Variants in NEK10 observed in about 807,000 individuals in gnomAD.
NEK10 encodes the protein NIMA related kinase 10.
NEK10 carries 122 observed loss-of-function variants against 159.8 expected under a neutral mutation model. The ratio of observed to expected loss-of-function variants is 0.76; its 90% CI spans 0.66 to 0.89. The LOEUF (loss-of-function observed/expected upper bound fraction) is 0.89. NEK10 is among the 40% of genes least tolerant of loss of function. The probability of loss-of-function intolerance (pLI) is 0.00; values close to 1 mark genes in which losing one functional copy is unlikely to be tolerated. For synonymous variants in NEK10, 466 were observed against 457.1 expected (o/e 1.02, Z -0.25); for missense variants, 1,342 against 1,323.1 (o/e 1.01, Z -0.22).
intron 24 of NEK10, among the ~76,000 whole-genome samples, chr3:27,201,923 C>T (rs1398828180): frequency 2.0e-5 from 3 of 151,978 alleles, no homozygotes; most frequent in Middle Eastern, 3.2e-3. Flanking sequence ...GTTTGGGAGG[C>T]CAAGGTGGGT....
intron 23 of NEK10, among the ~76,000 whole-genome samples, chr3:27,225,160 C>G (rs1425599900): frequency 1.3e-5 from 2 of 152,164 alleles, no homozygotes; most frequent in African/African-American, 2.4e-5. Context: ...CAGGAAGCAT[C>G]CAGCATGGGA....
chr3:27,234,098 A>T (rs970313790), intron 23 of NEK10, among the ~76,000 whole-genome samples: 7 of 152,114 alleles, frequency 4.6e-5, no homozygotes, highest in Non-Finnish European at 1.0e-4. Context: ...CTCTCAATAA[A>T]CTGGTATTGA....
At chr3:27,118,323 TG>T (rs1940790054) in intron 33 of NEK10, among the ~76,000 whole-genome samples, 1 of 152,208 alleles carries the variant, frequency 6.6e-6, no homozygotes, top group South Asian at 2.1e-4. Flanking sequence ...GATCAGAATT[TG>T]GTATACCAGC....
intron 30 of NEK10, among the ~76,000 whole-genome samples, chr3:27,148,077 A>G (rs1944480817): frequency 6.6e-6 from 1 of 152,234 alleles, no homozygotes; most frequent in East Asian, 1.9e-4. Flanking sequence ...AACATCCCAA[A>G]TAAATTATTG....
At chr3:27,258,579 T>C (rs901526913) in intron 22 of NEK10, among the ~76,000 whole-genome samples, 2 of 152,216 alleles carry the variant, frequency 1.3e-5, no homozygotes, top group South Asian at 4.1e-4. Flanking sequence ...TAGTATTCCA[T>C]GGTGTATATG....
Position 27,290,669 on chromosome 3 carries a change from C to A in NEK10, c.1691G>T (p.Arg564Leu), listed in dbSNP as rs1333620708. ...NPAFGKDKKD[R>L]DSSVRNIVSE... ...AACAATATTCCTTACGCTGCTGTCT[C>A]GATCTTTCTTATCCTTTCCAAATGC... Residue 564 changes from arginine to leucine, a missense_variant, in exon 19 of 36, where the codon CGA becomes CTA. Coordinates refer to ENST00000691995, the MANE Select transcript of NEK10 (RefSeq NM_001394966.1). 6.2e-7 allele frequency: 1 copy of A among 1,608,304 alleles called. No homozygotes were observed. The highest frequency in any genetic ancestry group is 8.5e-7 in the Non-Finnish European group (1 of 1,175,748).
intron 5 of NEK10, among the ~76,000 whole-genome samples, chr3:27,324,818 CAT>C (rs2045896862): frequency 6.6e-6 from 1 of 152,196 alleles, no homozygotes; most frequent in South Asian, 2.1e-4. Context: ...TACCATGACT[CAT>C]AGGCCCTCCA....
chr3:27,216,717 C>T (rs1297323186), intron 23 of NEK10, among the ~76,000 whole-genome samples: 1 of 152,212 alleles, frequency 6.6e-6, no homozygotes, highest in Non-Finnish European at 1.5e-5. Context: ...CAATATCCTC[C>T]TTAAAAGAGA....
chr3:27,352,474 G>C lies in NEK10; in HGVS notation c.123C>G (p.Ser41Arg). The C allele has an allele frequency of 6.2e-7, 1 of 1,608,944 alleles. No individual in the cohort carries two copies. The highest frequency in any genetic ancestry group is 8.5e-7 in the Non-Finnish European group (1 of 1,175,474). The change falls in exon 3 of 36, where the codon AGC becomes AGG. Residue 41 changes from serine (S) to arginine (R), a missense_variant. Coordinates refer to ENST00000691995, the MANE Select transcript of NEK10 (RefSeq NM_001394966.1). ...RLRCLLNVQS[S>R]KQQLPAINFD... ...TCTTTGAAAACGCTACCTGTTGTTT[G>C]CTTGATTGGACGTTCAAAAGGCACC...
chr3:27,160,093 C>T (rs1177767243), intron 30 of NEK10, among the ~76,000 whole-genome samples: 1 of 151,964 alleles, frequency 6.6e-6, no homozygotes, highest in Non-Finnish European at 1.5e-5. Context: ...AATGAAAATA[C>T]ACTAATATAA....
At chr3:27,202,581 T>C in intron 23 of NEK10, 24 bp from the exon 24 acceptor site, 1 of 1,573,992 alleles carries the variant, frequency 6.4e-7, no homozygotes, top group Non-Finnish European at 8.7e-7. Context: ...AGGACATTAA[T>C]ACATGCTAAG....
chr3:27,345,943 A>G, intron 4 of NEK10, 143 bp downstream of exon 4: 1 of 729,380 alleles, frequency 1.4e-6, no homozygotes, highest in Non-Finnish European at 2.2e-6. Context: ...TGGTTTAAGC[A>G]CTAACTGAAA....
At position 27,256,403 on chromosome 3, in the gene NEK10, T is replaced by C. The variant is rs770883977; in HGVS notation, c.2015-32A>G. 11 of 1,393,684 alleles carry C rather than the reference T, an allele frequency of 7.9e-6. No individual in the cohort carries two copies. The East Asian group carries it at 2.4e-4, about 31-fold the overall frequency. The allele number at this position is 1,393,684 out of a possible 1,614,324, so 86.3% of individuals were successfully genotyped here. A position where few individuals can be genotyped will look rare whatever the true frequency, so the allele number is the denominator to read the frequency against. On this transcript the variant is annotated intron_variant, in intron 22 of 35. Coordinates refer to ENST00000691995, the MANE Select transcript of NEK10 (RefSeq NM_001394966.1). The stretch of plus-strand genomic sequence containing the variant: ...TTCACAAAACAACGCAATATGTTAC[T>C]ATATTTTCCCAGAGTTATCATTGTT...
intron 7 of NEK10, among the ~76,000 whole-genome samples, chr3:27,313,668 A>T (rs2044896576): frequency 1.3e-5 from 2 of 151,914 alleles, no homozygotes; most frequent in African/African-American, 4.8e-5. Flanking sequence ...TTTTCCTCCC[A>T]CCATATGGTA....
intron 32 of NEK10, among the ~76,000 whole-genome samples, chr3:27,120,800 G>A (rs1941199229): frequency 1.3e-5 from 2 of 152,020 alleles, no homozygotes; most frequent in African/African-American, 4.8e-5. Flanking sequence ...TAGAATTTTA[G>A]ACCGTAAACG....
intron 4 of NEK10, among the ~76,000 whole-genome samples, chr3:27,345,287 C>G (rs183954081): frequency 1.3e-5 from 2 of 152,250 alleles, no homozygotes; most frequent in Admixed American, 1.3e-4. Context: ...TTTCTTAGTA[C>G]ACGGGCACTG....
At chr3:27,252,428 A>G (rs1215052025) in intron 23 of NEK10, among the ~76,000 whole-genome samples, 3 of 152,240 alleles carry the variant, frequency 2.0e-5, no homozygotes, top group African/African-American at 7.2e-5. Flanking sequence ...AGGACAGGGA[A>G]TTAAAAATTT....
At chr3:27,208,757 C>G (rs1950748338) in intron 23 of NEK10, among the ~76,000 whole-genome samples, 1 of 152,154 alleles carries the variant, frequency 6.6e-6, no homozygotes, top group African/African-American at 2.4e-5. Context: ...TGTATGTCTG[C>G]AAGATCCACA....
At chr3:27,366,916 T>C (rs2049135702) in intron 1 of NEK10, among the ~76,000 whole-genome samples, 1 of 150,424 alleles carries the variant, frequency 6.6e-6, no homozygotes, top group African/African-American at 2.5e-5. Context: ...GTTCAAGGGA[T>C]TCTCCTGCTT....
Sources: allele counts gnomAD v4.1 joint callset (sites outside exome capture counted in the v4.1 genomes callset), GRCh38; gene constraint gnomAD v4.1.1; transcripts MANE v1.5; gene names NCBI Gene and HGNC (gene_info 2026-07-23, HGNC 2026-07-21).